Variants in TRIM41 observed in about 807,000 individuals in gnomAD.
TRIM41 encodes the protein tripartite motif containing 41, also known as E3 ubiquitin-protein ligase TRIM41.
In TRIM41, 21 loss-of-function variants were observed where a neutral mutation model predicts 60.6. That is an observed-to-expected ratio of 0.35 (90% CI 0.25 to 0.50). TRIM41 has a LOEUF of 0.50. Among genes scored for constraint, TRIM41 ranks in the 20% least tolerant of loss-of-function variants. TRIM41 has a pLI of 0.98. For synonymous variants in TRIM41, 407 were observed against 344.9 expected (o/e 1.18, Z -2.00); for missense variants, 846 against 868.3 (o/e 0.97, Z 0.32).
Position 181,224,677 on chromosome 5 carries a change from C to G in TRIM41, c.678C>G (p.Ile226Met), listed in dbSNP as rs544856401. The change falls in exon 1 of 6, where the codon ATC (isoleucine) becomes ATG (methionine). Residue 226 changes from isoleucine (I) to methionine (M), a missense_variant. Coordinates refer to ENST00000315073, the MANE Select transcript of TRIM41 (RefSeq NM_033549.5). Reference protein sequence around the residue: ...GRGSRVTDQGICPKHQEALKL... With the variant: ...GRGSRVTDQGMCPKHQEALKL... Reference sequence around the variant, plus strand: ...GGAGCCGCGTGACCGATCAGGGCATCTGTCCCAAACACCAAGAAGCCCTGA... The same window carrying G: ...GGAGCCGCGTGACCGATCAGGGCATGTGTCCCAAACACCAAGAAGCCCTGA... 8.1e-6 allele frequency: 13 copies of G among 1,614,248 alleles called. No homozygotes were observed. The African/African-American group carries it at 1.7e-4, about 22-fold the overall frequency.
chr5:181,235,779 T>C lies in TRIM41; in HGVS notation c.*1004T>C, dbSNP rs960986598. 4.6e-6 allele frequency: 1 copy of C among 218,858 alleles called. No individual in the cohort carries two copies. The highest frequency in any genetic ancestry group is 9.4e-6 in the Non-Finnish European group (1 of 106,342). The allele number at this position is 218,858 out of a possible 1,614,324, so 13.6% of individuals were successfully genotyped here. The stretch of plus-strand genomic sequence containing the variant: ...TTCTTTGGGAAAAGGGAAGGCGTGC[T>C]GTGGAAATAAAATGTTTATTTGCTT... On this transcript the variant is annotated 3_prime_UTR_variant, in exon 6 of 6. Transcript: ENST00000315073.
Position 181,233,293 on chromosome 5 carries a change from C to T in TRIM41, c.1141-120C>T, listed in dbSNP as rs1758890203. Reference sequence around the variant, plus strand: ...TTCATTGAGGGCCGTGAGGGTGCTGCTTCTCCCTTCCTGCTCAGGTTCAGT... The same window carrying T: ...TTCATTGAGGGCCGTGAGGGTGCTGTTTCTCCCTTCCTGCTCAGGTTCAGT... On this transcript the variant is annotated intron_variant, in intron 3 of 5. Transcript: ENST00000315073. This position sits in a 1 kb window ranked among gnomAD's most constrained non-coding sequence, Gnocchi z 4.1. 7 of 1,060,180 alleles carry T rather than the reference C, an allele frequency of 6.6e-6. No individual in the cohort carries two copies. Among genetic ancestry groups the T allele is most frequent in the Non-Finnish European group, 1.0e-5 (7 of 685,160 alleles). 65.7% of individuals were successfully genotyped at this position (1,060,180 alleles called of 1,614,324 possible).
chr5:181,234,243 G>A lies in TRIM41; in HGVS notation c.1361G>A (p.Arg454His), dbSNP rs373676860. 55 of 1,613,158 alleles carry A rather than the reference G, an allele frequency of 3.4e-5. No individual in the cohort carries two copies. Among genetic ancestry groups the A allele is most frequent in the East Asian group, 1.3e-4 (6 of 44,896 alleles). Residue 454 changes from arginine (R) to histidine (H), a missense_variant, in exon 6 of 6, where the codon CGC (arginine) becomes CAC (histidine). By Grantham distance (29) the Arg-to-His change is conservative (BLOSUM62 0). Transcript: ENST00000315073. This position sits in a 1 kb window ranked among gnomAD's most constrained non-coding sequence, Gnocchi z 5.6. ...CTGTCCCCTGACCGCCGGGGGGTCC[G>A]CCTGGCAGAGCGGCGGCAGGAGGTT... is the stretch of plus-strand genomic sequence containing the variant. ...LMLSPDRRGV[R>H]LAERRQEVAD...
intron 2 of TRIM41, 53 bp downstream of exon 2, chr5:181,230,892 G>A (rs757897784): frequency 1.3e-6 from 2 of 1,532,600 alleles, no homozygotes; most frequent in Non-Finnish European, 1.8e-6. Context: ...AGGCAAGGAA[G>A]GTAGGGCTTC....
rs560097339 is a variant in TRIM41, at chr5:181,234,834, T to C, written c.*59T>C. On this transcript the variant is annotated 3_prime_UTR_variant, in exon 6 of 6. Transcript: ENST00000315073. The surrounding 1 kb of genome is among the most constrained non-coding windows in gnomAD (Gnocchi z 5.6). ...CACTTGGGGGGTGGGTGGTGGAGGGTGGCCCGTAAGTTTGAGGGCTCAAAG... is the reference window on the plus strand; with the variant it reads ...CACTTGGGGGGTGGGTGGTGGAGGGCGGCCCGTAAGTTTGAGGGCTCAAAG... 15 of 1,606,240 alleles carry C rather than the reference T, an allele frequency of 9.3e-6. No individual in the cohort carries two copies. Among genetic ancestry groups the C allele is most frequent in the Non-Finnish European group, 1.2e-5 (14 of 1,176,398 alleles).
rs1377076777 is a variant in TRIM41 at position 181,234,957 on chromosome 5, C to T, written c.*182C>T. On this transcript the variant is annotated 3_prime_UTR_variant, in exon 6 of 6. Coordinates refer to ENST00000315073, the MANE Select transcript of TRIM41 (RefSeq NM_033549.5). The surrounding 1 kb of genome is among the most constrained non-coding windows in gnomAD (Gnocchi z 5.6). ...GAGCCTAAAGAACCCTCCTGGCCTC[C>T]AGCTCAGCCTTCTCTCACCTACTAT... 1 of 1,614,040 alleles carries T rather than the reference C, an allele frequency of 6.2e-7. No homozygotes were observed. The highest frequency in any genetic ancestry group is 8.5e-7 in the Non-Finnish European group (1 of 1,179,980).
Position 181,235,377 on chromosome 5 carries a change from TGAGA to T in TRIM41, c.*607_*610del, listed in dbSNP as rs757457170. On this transcript the variant is annotated 3_prime_UTR_variant, in exon 6 of 6. Transcript: ENST00000315073. ...AGACCGGCCAGAATTTAGCTTCACT[TGAGA>T]GAGATCTGGAATGGTCGCCATGATT... 18 of 1,614,204 alleles carry T rather than the reference TGAGA, an allele frequency of 1.1e-5. No individual in the cohort carries two copies. The highest frequency in any genetic ancestry group is 2.7e-5 in the African/African-American group (2 of 75,052).
At position 181,233,570 on chromosome 5, in the gene TRIM41, CT is replaced by C. The variant is rs1758902698; in HGVS notation, c.1164-65del. 6.2e-7 allele frequency: 1 copy of C among 1,610,168 alleles called. No homozygotes were observed. The highest frequency in any genetic ancestry group is 1.7e-5 in the Admixed American group (1 of 59,860). On this transcript the variant is annotated intron_variant, in intron 4 of 5. Coordinates refer to ENST00000315073, the MANE Select transcript of TRIM41 (RefSeq NM_033549.5). The surrounding 1 kb of genome is among the most constrained non-coding windows in gnomAD (Gnocchi z 4.1). ...TCTCCTGGACCCTCCTCTCCTTCCC[CT>C]CAGCTTTTGCTTTTCCCTCTGGGAA...
At position 181,224,372 on chromosome 5, in the gene TRIM41, G is replaced by C; in HGVS notation, c.373G>C (p.Glu125Gln). The change falls in exon 1 of 6, where the codon GAG (glutamate) becomes CAG (glutamine). Residue 125 changes from glutamate (E) to glutamine (Q), a missense_variant. Glu to Gln is a conservative substitution (Grantham distance 29, BLOSUM62 2). Coordinates refer to ENST00000315073, the MANE Select transcript of TRIM41 (RefSeq NM_033549.5). Reference sequence around the variant, plus strand: ...CTGGGACAACATGGACTATGTGTGGGAGGAGGAGGACGAGGAGGAAGACCT... The same window carrying C: ...CTGGGACAACATGGACTATGTGTGGCAGGAGGAGGACGAGGAGGAAGACCT... ...SSWDNMDYVW[E>Q]EEDEEEDLDY... The C allele has an allele frequency of 6.2e-7, 1 of 1,613,092 alleles. No individual in the cohort carries two copies. Among genetic ancestry groups the C allele is most frequent in the Non-Finnish European group, 8.5e-7 (1 of 1,179,162 alleles).
Position 181,234,016 on chromosome 5 carries a change from G to C in TRIM41, c.1292-158G>C. 7.4e-7 allele frequency: 1 copy of C among 1,347,536 alleles called. No homozygotes were observed. Among genetic ancestry groups the C allele is most frequent in the Non-Finnish European group, 1.0e-6 (1 of 972,192 alleles). The allele number at this position is 1,347,536 out of a possible 1,614,324, so 83.5% of individuals were successfully genotyped here. A position where few individuals can be genotyped will look rare whatever the true frequency, so the allele number is the denominator to read the frequency against. On this transcript the variant is annotated intron_variant, in intron 5 of 5. Coordinates refer to ENST00000315073, the MANE Select transcript of TRIM41 (RefSeq NM_033549.5). The surrounding 1 kb of genome is among the most constrained non-coding windows in gnomAD (Gnocchi z 5.6). ...CCTGTCAGGTATCCTAGGAACAAGA[G>C]TGAGGAGCAAGATGAGCCTGCAGGA...
At chr5:181,225,683 C>A (rs1413380451) in intron 1 of TRIM41, 1 of 152,194 alleles carries the variant, frequency 6.6e-6, no homozygotes, top group Non-Finnish European at 1.5e-5. Context: ...ACAACGCCAC[C>A]ACCATTTGGA....
rs1378884614 is a variant in TRIM41 at position 181,233,589 on chromosome 5, T to A, written c.1164-47T>A. Reference sequence around the variant, plus strand: ...CTTCCCCTCAGCTTTTGCTTTTCCCTCTGGGAATATCGTGGTCCCACCCCC... The same window carrying A: ...CTTCCCCTCAGCTTTTGCTTTTCCCACTGGGAATATCGTGGTCCCACCCCC... On this transcript the variant is annotated intron_variant, in intron 4 of 5. Coordinates refer to ENST00000315073, the MANE Select transcript of TRIM41 (RefSeq NM_033549.5). The surrounding 1 kb of genome is among the most constrained non-coding windows in gnomAD (Gnocchi z 4.1). 11 of 1,611,404 alleles carry A rather than the reference T, an allele frequency of 6.8e-6. No individual in the cohort carries two copies. Among genetic ancestry groups the A allele is most frequent in the Admixed American group, 1.7e-5 (1 of 59,920 alleles).
Position 181,223,461 on chromosome 5 carries a change from C to A in TRIM41, c.-539C>A. The A allele has an allele frequency of 2.5e-6, 1 of 401,684 alleles. No homozygotes were observed. The highest frequency in any genetic ancestry group is 4.4e-6 in the Non-Finnish European group (1 of 227,832). The allele number at this position is 401,684 out of a possible 1,614,324, so 24.9% of individuals were successfully genotyped here. ...GTAGGCGGTTCCTCTGTTCTTTCTG[C>A]GTTCCCCGCGGCCTCTTACCACAGA... On this transcript the variant is annotated 5_prime_UTR_variant, in exon 1 of 6. The change creates a premature stop within an existing upstream ORF in the 5' untranslated region. Coordinates refer to ENST00000315073, the MANE Select transcript of TRIM41 (RefSeq NM_033549.5).
Position 181,233,128 on chromosome 5 carries a change from G to C in TRIM41, c.1140+239G>C. 1 of 714,682 alleles carries C rather than the reference G, an allele frequency of 1.4e-6. No individual in the cohort carries two copies. The highest frequency in any genetic ancestry group is 2.5e-6 in the Non-Finnish European group (1 of 395,900). 44.3% of individuals were successfully genotyped at this position (714,682 alleles called of 1,614,324 possible). ...GGTTGTAGGAGAGGTTTAAATGACAGTTGAGGAAAGTCTTTTTGACAGTGA... is the reference window on the plus strand; with the variant it reads ...GGTTGTAGGAGAGGTTTAAATGACACTTGAGGAAAGTCTTTTTGACAGTGA... On this transcript the variant is annotated intron_variant, in intron 3 of 5. Transcript: ENST00000315073. The surrounding 1 kb of genome is among the most constrained non-coding windows in gnomAD (Gnocchi z 4.1).
chr5:181,235,122 T>G lies in TRIM41; in HGVS notation c.*347T>G. 6.3e-7 allele frequency: 1 copy of G among 1,580,612 alleles called. No homozygotes were observed. Among genetic ancestry groups the G allele is most frequent in the Middle Eastern group, 1.7e-4 (1 of 5,892 alleles). On this transcript the variant is annotated 3_prime_UTR_variant, in exon 6 of 6. Coordinates refer to ENST00000315073, the MANE Select transcript of TRIM41 (RefSeq NM_033549.5). ...ATTGTAATTTCATTCCTTAACTTCC[T>G]TTTCCCCACCCCTGCTCTTCAACCT...
rs970836208 is a variant in TRIM41 at position 181,223,600 on chromosome 5, A to T, written c.-400A>T. Reference sequence around the variant, plus strand: ...CCCGCGGGGAAAAAGGGGGAGTAGCAGGACAGCGGAGGGAAGTCGCGAGCT... The same window carrying T: ...CCCGCGGGGAAAAAGGGGGAGTAGCTGGACAGCGGAGGGAAGTCGCGAGCT... On this transcript the variant is annotated 5_prime_UTR_variant, in exon 1 of 6. Coordinates refer to ENST00000315073, the MANE Select transcript of TRIM41 (RefSeq NM_033549.5). 3 of 453,022 alleles carry T rather than the reference A, an allele frequency of 6.6e-6. No homozygotes were observed. Among genetic ancestry groups the T allele is most frequent in the African/African-American group, 5.9e-5 (3 of 50,822 alleles). 28.1% of individuals were successfully genotyped at this position (453,022 alleles called of 1,614,324 possible).
chr5:181,231,012 G>T, intron 2 of TRIM41, 173 bp downstream of exon 2: 1 of 532,214 alleles, frequency 1.9e-6, no homozygotes, highest in Non-Finnish European at 3.5e-6. Context: ...TAGAGAATCA[G>T]GAGGCATGTT....
At position 181,233,593 on chromosome 5, in the gene TRIM41, G is replaced by T. The variant is rs771400700; in HGVS notation, c.1164-43G>T. On this transcript the variant is annotated intron_variant, in intron 4 of 5. Coordinates refer to ENST00000315073, the MANE Select transcript of TRIM41 (RefSeq NM_033549.5). The surrounding 1 kb of genome is among the most constrained non-coding windows in gnomAD (Gnocchi z 4.1). ...CCCTCAGCTTTTGCTTTTCCCTCTG[G>T]GAATATCGTGGTCCCACCCCCTGCC... 5 of 1,611,868 alleles carry T rather than the reference G, an allele frequency of 3.1e-6. No individual in the cohort carries two copies. The highest frequency in any genetic ancestry group is 2.5e-6 in the Non-Finnish European group (3 of 1,178,442).
intron 2 of TRIM41, chr5:181,232,322 G>A: frequency 3.3e-6 from 1 of 303,908 alleles, no homozygotes. Flanking sequence ...GAGAGATACA[G>A]TGATATTTGT....
Sources: allele counts gnomAD v4.1 joint callset, GRCh38; gene constraint gnomAD v4.1.1; non-coding constraint Gnocchi (gnomAD v3.1); transcripts MANE v1.5; gene names NCBI Gene and HGNC (gene_info 2026-07-23, HGNC 2026-07-21).